DEGS2: variants seen among roughly 807,000 people sequenced by gnomAD.
DEGS2 encodes sphingolipid delta(4)-desaturase/C4-monooxygenase DES2.
DEGS2 carries 19 observed loss-of-function variants against 23.8 expected under a neutral mutation model. That is an observed-to-expected ratio of 0.80 (90% confidence interval 0.56 to 1.17). The LOEUF (loss-of-function observed/expected upper bound fraction) is 1.17, where lower values mean the gene tolerates loss of function less well. DEGS2 is among the 50% of genes most tolerant of loss of function. The pLI, the probability that DEGS2 is intolerant of heterozygous loss-of-function variation, is 0.00. For synonymous variants in DEGS2, 218 were observed against 213.7 expected, an observed-to-expected ratio of 1.02 and a Z score of -0.18; for missense variants, 390 against 459.5, an observed-to-expected ratio of 0.85 and a Z score of 1.38.
Position 100,149,391 on chromosome 14 carries a change from G to A in DEGS2, c.402C>T (p.Tyr134=). ...CCACGTCCAGCCCGTCGCCGCCCAGGTAGCGGTGGTGGTCCACGTGGTACT... is the reference window on the plus strand; with the variant it reads ...CCACGTCCAGCCCGTCGCCGCCCAGATAGCGGTGGTGGTCCACGTGGTACT... ...FKKYHVDHHR[Y]LGGDGLDVDV... Residue 134 remains tyrosine (Y), a synonymous_variant, in exon 2 of 3, where the codon TAC becomes TAT. Transcript: ENST00000305631. 2 of 1,605,060 alleles carry A rather than the reference G, an allele frequency of 1.2e-6. No homozygotes were observed. Among genetic ancestry groups the A allele is most frequent in the Non-Finnish European group, 1.7e-6 (2 of 1,174,804 alleles).
rs749889442 is a variant in DEGS2, at chr14:100,149,455, T to C, written c.338A>G (p.Asn113Ser). 4 of 1,596,526 alleles carry C rather than the reference T, an allele frequency of 2.5e-6. No individual in the cohort carries two copies. The highest frequency in any genetic ancestry group is 4.5e-5 in the East Asian group (2 of 44,448). The change falls in exon 2 of 3, where the codon AAC (asparagine) becomes AGC (serine). Residue 113 changes from asparagine to serine, a missense_variant. Physicochemically the swap from Asn to Ser is conservative, Grantham distance 46. Transcript: ENST00000305631. ...ARNRWLAVFANLPVGVPYAAS... is the reference protein window; with the variant it reads ...ARNRWLAVFASLPVGVPYAAS... Reference sequence around the variant, plus strand: ...GGCGTAGGGCACACCCACGGGCAGGTTGGCGAACACGGCCAGCCAGCGGTT... The same window carrying C: ...GGCGTAGGGCACACCCACGGGCAGGCTGGCGAACACGGCCAGCCAGCGGTT...
intron 1 of DEGS2, among the ~76,000 whole-genome samples, chr14:100,150,384 A>AC (rs1889548783): frequency 3.0e-4 from 18 of 60,400 alleles, no homozygotes; most frequent in South Asian, 5.8e-4. Flanking sequence ...CTCCCACCCC[A>AC]ACACCCCCCC....
At chr14:100,150,898 T>C (rs1289415712) in intron 1 of DEGS2, among the ~76,000 whole-genome samples, 1 of 152,050 alleles carries the variant, frequency 6.6e-6, no homozygotes, top group African/African-American at 2.4e-5. Context: ...GCCCCAGCTA[T>C]GGGCTGGTCC....
intron 1 of DEGS2, among the ~76,000 whole-genome samples, chr14:100,158,018 C>A (rs371387030): frequency 7.6e-6 from 1 of 132,222 alleles, no homozygotes; most frequent in Non-Finnish European, 1.5e-5. Context: ...ACCTGGGAGG[C>A]GGAGGTTGCG....
the DEGS2 span, among the ~76,000 whole-genome samples, chr14:100,166,337 GCC>G: frequency 3.9e-5 from 2 of 51,324 alleles, no homozygotes; most frequent in African/African-American, 1.5e-4. Context: ...CTGTGGGGGA[GCC>G]TGCCCGGGGC....
At chr14:100,164,402 G>A (rs185325212), upstream of DEGS2, among the ~76,000 whole-genome samples, 574 of 152,078 alleles carry the variant, frequency 3.8e-3, 3 homozygotes, top group African/African-American at 0.013. Flanking sequence ...TTGGGAGGCC[G>A]AGGCGGGTGG....
At chr14:100,147,449 C>T (rs1889470099) in intron 2 of DEGS2, among the ~76,000 whole-genome samples, 1 of 152,176 alleles carries the variant, frequency 6.6e-6, no homozygotes, top group South Asian at 2.1e-4. Flanking sequence ...CCAACCTTGG[C>T]CTCAGCCAGC....
At position 100,144,023 on chromosome 14, in the gene DEGS2, T is replaced by C. The variant is rs1889373494; in HGVS notation, c.*2738A>G. The C allele has an allele frequency of 2.1e-6, 1 of 472,646 alleles. No homozygotes were observed. The highest frequency in any genetic ancestry group is 3.8e-6 in the Non-Finnish European group (1 of 265,912). 29.3% of individuals were successfully genotyped at this position (472,646 alleles called of 1,614,324 possible). ...TTCTTTGGGTTTCTAGAGACGCCCCTAAGTCACCTGCTTCATTAGACGGTT... is the reference window on the plus strand; with the variant it reads ...TTCTTTGGGTTTCTAGAGACGCCCCCAAGTCACCTGCTTCATTAGACGGTT... On this transcript the variant is annotated 3_prime_UTR_variant, in exon 3 of 3. Transcript: ENST00000305631.
rs1350117022 is a variant in DEGS2 at position 100,144,779 on chromosome 14, A to C, written c.*1982T>G. 6.6e-6 allele frequency: 1 copy of C among 152,304 alleles called. No individual in the cohort carries two copies. The highest frequency in any genetic ancestry group is 1.5e-5 in the Non-Finnish European group (1 of 68,116). The allele number at this position is 152,304 out of a possible 1,614,324, so 9.4% of individuals were successfully genotyped here. ...AGATCCTGTGACCACTCATGCCCCCAGTTCTCCCACATGACCTCCTGCAGC... is the reference window on the plus strand; with the variant it reads ...AGATCCTGTGACCACTCATGCCCCCCGTTCTCCCACATGACCTCCTGCAGC... On this transcript the variant is annotated 3_prime_UTR_variant, in exon 3 of 3. Coordinates refer to ENST00000305631, the MANE Select transcript of DEGS2 (RefSeq NM_206918.3).
chr14:100,162,195 AAAAAT>A (rs1231387786), upstream of DEGS2, among the ~76,000 whole-genome samples: 1 of 149,962 alleles, frequency 6.7e-6, no homozygotes, highest in Non-Finnish European at 1.5e-5. Context: ...AAAATACAAA[AAAAAT>A]TAGCTGGGCA....
At chr14:100,147,595 G>A (rs902715533) in intron 2 of DEGS2, among the ~76,000 whole-genome samples, 32 of 148,420 alleles carry the variant, frequency 2.2e-4, no homozygotes, top group Admixed American at 1.4e-4. Flanking sequence ...CCACCACCAC[G>A]CCGCCCCACT....
At chr14:100,160,547 C>G (rs1889734332), upstream of DEGS2, among the ~76,000 whole-genome samples, 1 of 152,226 alleles carries the variant, frequency 6.6e-6, no homozygotes, top group East Asian at 1.9e-4. Context: ...TCAGTGATGC[C>G]TCTGTTCCTT....
At chr14:100,166,248 CCTGTCCGGGGGAGT>C in the DEGS2 span, among the ~76,000 whole-genome samples, 1 of 116,134 alleles carries the variant, frequency 8.6e-6, no homozygotes, top group African/African-American at 3.3e-5. Flanking sequence ...GTGGGGGGAG[CCTGTCCGGGGGAGT>C]GGGGGGAGCC....
intron 1 of DEGS2, among the ~76,000 whole-genome samples, chr14:100,151,357 G>A (rs1177557367): frequency 2.0e-5 from 3 of 152,254 alleles, no homozygotes; most frequent in South Asian, 2.1e-4. Flanking sequence ...TTGCAGGCTT[G>A]GGAGCCACCA....
intron 1 of DEGS2, among the ~76,000 whole-genome samples, chr14:100,153,191 G>T (rs181905989): frequency 2.1e-3 from 322 of 152,222 alleles, no homozygotes; most frequent in African/African-American, 7.2e-3. Flanking sequence ...AGGAGTTCGG[G>T]GCTGCAGTGA....
At chr14:100,150,610 C>T (rs1368372285) in intron 1 of DEGS2, among the ~76,000 whole-genome samples, 1 of 150,634 alleles carries the variant, frequency 6.6e-6, no homozygotes, top group Non-Finnish European at 1.5e-5. Flanking sequence ...CAGAGCCTGG[C>T]AGCCCTGACC....
intron 2 of DEGS2, among the ~76,000 whole-genome samples, chr14:100,148,730 A>G (rs545914983): frequency 2.6e-4 from 40 of 152,386 alleles, no homozygotes; most frequent in Non-Finnish European, 5.3e-4. Flanking sequence ...AGCAGCCTGG[A>G]CTGTGAAATG....
intron 1 of DEGS2, among the ~76,000 whole-genome samples, chr14:100,157,844 T>C (rs1159470883): frequency 6.6e-6 from 1 of 152,038 alleles, no homozygotes; most frequent in Non-Finnish European, 1.5e-5. Context: ...TCCCAACAGT[T>C]TGGGAGGCAG....
chr14:100,146,627 G>A lies in DEGS2; in HGVS notation c.*134C>T. 3 of 1,315,548 alleles carry A rather than the reference G, an allele frequency of 2.3e-6. No homozygotes were observed. Among genetic ancestry groups the A allele is most frequent in the South Asian group, 2.8e-5 (2 of 71,268 alleles). The allele number at this position is 1,315,548 out of a possible 1,614,324, so 81.5% of individuals were successfully genotyped here. A position where few individuals can be genotyped will look rare whatever the true frequency, so the allele number is the denominator to read the frequency against. On this transcript the variant is annotated 3_prime_UTR_variant, in exon 3 of 3. Coordinates refer to ENST00000305631, the MANE Select transcript of DEGS2 (RefSeq NM_206918.3). ...AGCCCACACTGCTGTTGCCAGGTGT[G>A]GCTGCGCGGGACACTCCTCGGGGAC... is the stretch of plus-strand genomic sequence containing the variant.
Sources: allele counts gnomAD v4.1 joint callset (sites outside exome capture counted in the v4.1 genomes callset), GRCh38; gene constraint gnomAD v4.1.1; transcripts MANE v1.5; gene names NCBI Gene and HGNC (gene_info 2026-07-23, HGNC 2026-07-21).